PLXDC1: variants seen among roughly 807,000 people sequenced by gnomAD.
The protein encoded by PLXDC1 is plexin domain-containing protein 1.
In PLXDC1, 39 loss-of-function variants were observed where a neutral mutation model predicts 61.3. That is an observed-to-expected ratio of 0.64 (90% confidence interval 0.49 to 0.83). The LOEUF (loss-of-function observed/expected upper bound fraction) is 0.83. PLXDC1 is among the 40% of genes least tolerant of loss of function. The pLI, the probability that PLXDC1 is intolerant of heterozygous loss-of-function variation, is 0.00. For missense variants in PLXDC1, 596 were observed against 666.5 expected, an observed-to-expected ratio of 0.89 and a Z score of 1.17; for synonymous variants, 212 against 254.5, an observed-to-expected ratio of 0.83 and a Z score of 1.59.
chr17:39,095,657 T>G (rs1350454279), intron 7 of PLXDC1, among the ~76,000 whole-genome samples: 2 of 151,380 alleles, frequency 1.3e-5, no homozygotes, highest in Non-Finnish European at 2.9e-5. Flanking sequence ...GGGGGGTTGT[T>G]TTTGTTTTGT....
upstream of PLXDC1, chr17:39,152,783 AAG>A (rs1319323763): frequency 5.1e-6 from 4 of 779,342 alleles, no homozygotes; most frequent in East Asian, 1.0e-4. Context: ...AAAAAAAAAA[AAG>A]AAAAGAAAAG....
intron 1 of PLXDC1, among the ~76,000 whole-genome samples, chr17:39,150,278 G>A (rs1030120766): frequency 6.6e-6 from 1 of 151,866 alleles, no homozygotes; most frequent in South Asian, 2.1e-4. Flanking sequence ...CTTCTCAATA[G>A]GGACCCAGGT....
At chr17:39,093,951 C>T (rs1004387218) in intron 7 of PLXDC1, among the ~76,000 whole-genome samples, 3 of 152,182 alleles carry the variant, frequency 2.0e-5, no homozygotes, top group South Asian at 4.1e-4. Flanking sequence ...CATGTGCACA[C>T]CCCAGCCCTC....
At chr17:39,108,863 G>A (rs933066631) in intron 4 of PLXDC1, 41 bp downstream of exon 4, 1 of 1,436,942 alleles carries the variant, frequency 7.0e-7, no homozygotes, top group South Asian at 1.2e-5. Flanking sequence ...TTCGGGCTGA[G>A]GTCTCCAGAC....
At chr17:39,129,056 G>A (rs11871169) in intron 2 of PLXDC1, among the ~76,000 whole-genome samples, 3,818 of 152,096 alleles carry the variant, frequency 0.025, 163 homozygotes, top group African/African-American at 0.088. Flanking sequence ...GGTGGTGCAC[G>A]CCTGTAATCC....
chr17:39,096,760 G>A, intron 7 of PLXDC1: 1 of 360,838 alleles, frequency 2.8e-6, no homozygotes, highest in Non-Finnish European at 5.6e-6. Context: ...CAGTTTCGAT[G>A]TTGGCAATGC....
rs761292417 is a variant in PLXDC1 at position 39,109,311 on chromosome 17, G to A, written c.336C>T (p.Ala112=). ...TCTTCACTTGGCTCCGGTTGGCCTC[G>A]GCCACATCTACCCACAGTTCCCGGC... The part of the protein sequence containing the change: ...PHSRELWVDV[A]EANRSQVKIH... The change falls in exon 3 of 14, where the codon GCC becomes GCT. Residue 112 remains alanine (A), a synonymous_variant. Transcript: ENST00000315392. 11 of 1,611,898 alleles carry A rather than the reference G, an allele frequency of 6.8e-6. No homozygotes were observed. The highest frequency in any genetic ancestry group is 2.2e-5 in the East Asian group (1 of 44,790).
intron 2 of PLXDC1, among the ~76,000 whole-genome samples, chr17:39,134,626 T>TA (rs397857078): frequency 0.017 from 1,768 of 105,474 alleles, 26 homozygotes; most frequent in East Asian, 0.06. Context: ...ACTTTGTCTC[T>TA]AAAAAAAAAA....
At chr17:39,113,062 A>G (rs1003325818) in intron 2 of PLXDC1, 2 of 152,250 alleles carry the variant, frequency 1.3e-5, no homozygotes, top group African/African-American at 4.8e-5. Flanking sequence ...CCTAAATCCA[A>G]TGACCGGTGT....
At chr17:39,149,104 T>C (rs947892329) in intron 1 of PLXDC1, among the ~76,000 whole-genome samples, 3 of 152,166 alleles carry the variant, frequency 2.0e-5, no homozygotes, top group Admixed American at 2.0e-4. Context: ...TGGTCTCCCC[T>C]GCTGTCTGAC....
chr17:39,129,241 C>A (rs1205740120), intron 2 of PLXDC1, among the ~76,000 whole-genome samples: 1 of 151,396 alleles, frequency 6.6e-6, no homozygotes, highest in Non-Finnish European at 1.5e-5. Flanking sequence ...TTGCTTGAAC[C>A]CAGGAGACAG....
chr17:39,122,116 G>A lies in PLXDC1; in HGVS notation c.256-12725C>T, dbSNP rs772059943. On this transcript the variant is annotated intron_variant, in intron 2 of 13. Coordinates refer to ENST00000315392, the MANE Select transcript of PLXDC1 (RefSeq NM_020405.5). ...TGTCAAAAAAAAAAAAAAAAAGGGG[G>A]GGGGGACTGGGTGCAGTGACTCACG... Among the ~76,000 whole-genome samples the A allele has an allele frequency of 4.9e-5, 7 of 141,752 alleles. No individual in the cohort carries two copies. The South Asian group carries it at 9.5e-4, about 19-fold the overall frequency. The allele number at this position is 141,752 out of a possible 152,430, so 93.0% of individuals were successfully genotyped here. A position where few individuals can be genotyped will look rare whatever the true frequency, so the allele number is the denominator to read the frequency against.
chr17:39,087,820 C>T, intron 7 of PLXDC1, 118 bp from the exon 8 acceptor site: 1 of 687,374 alleles, frequency 1.5e-6, no homozygotes, highest in Non-Finnish European at 2.6e-6. Flanking sequence ...GTGCACCCAG[C>T]AGCCTGGGAC....
upstream of PLXDC1, chr17:39,152,735 T>C: frequency 8.4e-7 from 1 of 1,192,938 alleles, no homozygotes; most frequent in Non-Finnish European, 1.0e-6. Context: ...AGGTACACTG[T>C]GGGCTGGAAG....
intron 7 of PLXDC1, among the ~76,000 whole-genome samples, chr17:39,089,223 G>A (rs1363962740): frequency 6.6e-6 from 1 of 152,140 alleles, no homozygotes; most frequent in African/African-American, 2.4e-5. Flanking sequence ...AACCACAGCT[G>A]CCATCTTCTT....
intron 7 of PLXDC1, among the ~76,000 whole-genome samples, chr17:39,104,164 C>T (rs752876817): frequency 2.2e-4 from 34 of 152,212 alleles, no homozygotes; most frequent in Non-Finnish European, 4.1e-4. Flanking sequence ...ATGTGCCAGA[C>T]ATTAGGCCCA....
intron 7 of PLXDC1, among the ~76,000 whole-genome samples, chr17:39,104,434 A>C (rs1325605903): frequency 6.6e-6 from 1 of 152,096 alleles, no homozygotes; most frequent in Non-Finnish European, 1.5e-5. Context: ...TTCAGATTAA[A>C]AAAAAAATAG....
At chr17:39,127,490 C>T (rs1375204801) in intron 2 of PLXDC1, among the ~76,000 whole-genome samples, 4 of 152,074 alleles carry the variant, frequency 2.6e-5, no homozygotes, top group African/African-American at 9.7e-5. Flanking sequence ...CAATAGCATC[C>T]CCATTAGACA....
chr17:39,120,758 ATTT>A (rs57148436), intron 2 of PLXDC1, among the ~76,000 whole-genome samples: 30,406 of 123,900 alleles, frequency 0.25, 3,361 homozygotes, highest in Non-Finnish European at 0.28. Flanking sequence ...CACCCAGCTA[ATTT>A]TTTTTTTTTT....
Sources: allele counts gnomAD v4.1 joint callset (sites outside exome capture counted in the v4.1 genomes callset), GRCh38; gene constraint gnomAD v4.1.1; transcripts MANE v1.5; gene names NCBI Gene and HGNC (gene_info 2026-07-23, HGNC 2026-07-21).